NDST4: variants seen among roughly 807,000 people sequenced by gnomAD.
The protein encoded by NDST4 is N-heparan sulfate sulfotransferase 4.
In NDST4, 63 loss-of-function variants were observed where a neutral mutation model predicts 100.8. That is an observed-to-expected ratio of 0.62 (90% CI 0.51 to 0.77). The LOEUF (loss-of-function observed/expected upper bound fraction) is 0.77. NDST4 is among the 30% of genes least tolerant of loss of function. The probability of loss-of-function intolerance (pLI) is 0.00; values close to 1 mark genes in which losing one functional copy is unlikely to be tolerated. For synonymous variants in NDST4, 377 were observed against 361.8 expected, an observed-to-expected ratio of 1.04 and a Z score of -0.48; for missense variants, 943 against 1,018.4, an observed-to-expected ratio of 0.93 and a Z score of 1.01.
intron 2 of NDST4, among the ~76,000 whole-genome samples, chr4:115,070,519 A>G (rs1180338892): frequency 6.6e-6 from 1 of 152,208 alleles, no homozygotes; most frequent in African/African-American, 2.4e-5. Flanking sequence ...CTTTAAAAAC[A>G]TAATTAGTTT....
intron 4 of NDST4, among the ~76,000 whole-genome samples, chr4:114,960,223 G>T (rs1323083130): frequency 6.6e-6 from 1 of 152,210 alleles, no homozygotes; most frequent in East Asian, 1.9e-4. Flanking sequence ...AAAACTGAGA[G>T]AATACATTGC....
intron 10 of NDST4, among the ~76,000 whole-genome samples, chr4:114,843,570 A>G (rs1390972248): frequency 6.6e-6 from 1 of 151,930 alleles, no homozygotes; most frequent in Non-Finnish European, 1.5e-5. Context: ...ACCAAAATCC[A>G]TCTGGCTTTG....
At chr4:115,109,619 T>C (rs1009345143) in intron 1 of NDST4, among the ~76,000 whole-genome samples, 1 of 151,992 alleles carries the variant, frequency 6.6e-6, no homozygotes, top group Non-Finnish European at 1.5e-5. Flanking sequence ...CAATATCAAA[T>C]TATATTCTCA....
At chr4:114,912,977 A>G (rs1725093903) in intron 6 of NDST4, among the ~76,000 whole-genome samples, 1 of 152,034 alleles carries the variant, frequency 6.6e-6, no homozygotes, top group Non-Finnish European at 1.5e-5. Context: ...TCAATTTTAA[A>G]TTCTCAATGT....
intron 6 of NDST4, among the ~76,000 whole-genome samples, chr4:114,879,690 T>C (rs1407813213): frequency 6.6e-6 from 1 of 152,158 alleles, no homozygotes; most frequent in Non-Finnish European, 1.5e-5. Context: ...ATTTATTGAA[T>C]GAACAAATAA....
intron 2 of NDST4, among the ~76,000 whole-genome samples, chr4:115,058,903 T>C (rs1360609034): frequency 6.6e-6 from 1 of 151,958 alleles, no homozygotes. Flanking sequence ...TTGTGCTTTT[T>C]TATTTAAAAA....
At chr4:115,050,363 A>G (rs1728557458) in intron 2 of NDST4, among the ~76,000 whole-genome samples, 1 of 152,046 alleles carries the variant, frequency 6.6e-6, no homozygotes, top group Non-Finnish European at 1.5e-5. Context: ...ATCATAAATT[A>G]TACCTGCCTC....
At chr4:114,873,010 G>T (rs1448700192) in intron 6 of NDST4, among the ~76,000 whole-genome samples, 1 of 151,620 alleles carries the variant, frequency 6.6e-6, no homozygotes, top group Non-Finnish European at 1.5e-5. Flanking sequence ...GTATTATCCT[G>T]GCAGCTGAAA....
chr4:114,947,756 G>T (rs1725897364), intron 4 of NDST4, among the ~76,000 whole-genome samples: 1 of 151,934 alleles, frequency 6.6e-6, no homozygotes, highest in South Asian at 2.1e-4. Context: ...CTTAAGTAAC[G>T]ACTACATGTA....
intron 2 of NDST4, among the ~76,000 whole-genome samples, chr4:114,980,129 CA>C (rs1464714423): frequency 2.6e-5 from 4 of 151,910 alleles, no homozygotes; most frequent in African/African-American, 9.7e-5. Flanking sequence ...AATATTAGGG[CA>C]AAAATAATAT....
intron 2 of NDST4, among the ~76,000 whole-genome samples, chr4:115,066,887 T>A (rs1728959556): frequency 6.6e-6 from 1 of 152,088 alleles, no homozygotes; most frequent in Admixed American, 6.6e-5. Flanking sequence ...ACTACCACAT[T>A]CTCTGTTGTG....
intron 2 of NDST4, among the ~76,000 whole-genome samples, chr4:115,069,368 C>T (rs751604304): frequency 6.6e-6 from 1 of 152,052 alleles, no homozygotes; most frequent in South Asian, 2.1e-4. Context: ...AAACAGACAA[C>T]CTACAGAATG....
At chr4:114,889,848 C>T (rs1275653174) in intron 6 of NDST4, among the ~76,000 whole-genome samples, 1 of 152,082 alleles carries the variant, frequency 6.6e-6, no homozygotes, top group African/African-American at 2.4e-5. Flanking sequence ...CTCAGAGACT[C>T]CATCTGTAAA....
chr4:115,035,200 G>A (rs1728207011), intron 2 of NDST4, among the ~76,000 whole-genome samples: 1 of 151,994 alleles, frequency 6.6e-6, no homozygotes, highest in Admixed American at 6.6e-5. Flanking sequence ...TTAAGTGATA[G>A]GTCTATACCA....
chr4:115,025,106 G>T (rs1443018011), intron 2 of NDST4, among the ~76,000 whole-genome samples: 1 of 152,014 alleles, frequency 6.6e-6, no homozygotes, highest in Non-Finnish European at 1.5e-5. Flanking sequence ...ATAAATTACC[G>T]AGTCTTGTTA....
intron 6 of NDST4, among the ~76,000 whole-genome samples, chr4:114,930,325 C>A (rs933514824): frequency 6.6e-6 from 1 of 152,190 alleles, no homozygotes; most frequent in African/African-American, 2.4e-5. Flanking sequence ...CCAAAGATCA[C>A]AGAGCATCCA....
At chr4:114,875,937 T>A (rs1578358985) in intron 6 of NDST4, among the ~76,000 whole-genome samples, 1 of 152,346 alleles carries the variant, frequency 6.6e-6, no homozygotes, top group Non-Finnish European at 1.5e-5. Flanking sequence ...ACAGCATTTT[T>A]AAATTGAAAT....
At chr4:114,837,748 A>T (rs1723334249) in intron 11 of NDST4, among the ~76,000 whole-genome samples, 1 of 152,214 alleles carries the variant, frequency 6.6e-6, no homozygotes. Flanking sequence ...AGGCAATACC[A>T]TTCAGGACAT....
intron 4 of NDST4, among the ~76,000 whole-genome samples, chr4:114,938,934 G>A (rs930996819): frequency 6.6e-6 from 1 of 152,146 alleles, no homozygotes; most frequent in African/African-American, 2.4e-5. Context: ...GCTAGACACT[G>A]GGGAGAATTT....
Sources: allele counts gnomAD v4.1 joint callset (sites outside exome capture counted in the v4.1 genomes callset), GRCh38; gene constraint gnomAD v4.1.1; transcripts MANE v1.5; gene names NCBI Gene and HGNC (gene_info 2026-07-23, HGNC 2026-07-21).